Variants in MMD observed in about 807,000 individuals in gnomAD.
MMD encodes monocyte to macrophage differentiation associated, also known as monocyte to macrophage differentiation factor.
Under a neutral mutation model 33.6 loss-of-function variants are expected in MMD, and 22 were observed. The observed-to-expected ratio is 0.66, with a 90% confidence interval of 0.47 to 0.94. The LOEUF (loss-of-function observed/expected upper bound fraction) is 0.94. MMD is among the 40% of genes least tolerant of loss of function. The probability of loss-of-function intolerance (pLI) is 0.00; values close to 1 mark genes in which losing one functional copy is unlikely to be tolerated. For missense variants in MMD, 242 were observed against 309.8 expected, an observed-to-expected ratio of 0.78 and a Z score of 1.64; for synonymous variants, 97 against 103.2, an observed-to-expected ratio of 0.94 and a Z score of 0.36.
At chr17:55,414,341 G>T in intron 1 of MMD, 109 bp from the exon 2 acceptor site, 1 of 993,494 alleles carries the variant, frequency 1.0e-6, no homozygotes, top group East Asian at 2.6e-5. Context: ...AGTGACTGGT[G>T]GAAATACCCA....
intron 4 of MMD, chr17:55,404,675 A>G (rs921884526): frequency 1.7e-5 from 17 of 984,836 alleles, no homozygotes; most frequent in Non-Finnish European, 1.1e-5. Flanking sequence ...AACATGTATT[A>G]TGGAAGACAT....
At chr17:55,404,619 A>G (rs966451073) in intron 4 of MMD, 3 of 985,404 alleles carry the variant, frequency 3.0e-6, no homozygotes, top group East Asian at 2.3e-4. Flanking sequence ...GTGTGTCTCC[A>G]TTATCAGTCT....
chr17:55,398,931 C>A (rs1907224539), intron 6 of MMD, among the ~76,000 whole-genome samples: 1 of 152,186 alleles, frequency 6.6e-6, no homozygotes, highest in African/African-American at 2.4e-5. Flanking sequence ...CTGGAGCTTG[C>A]AGAGTTTTGG....
intron 6 of MMD, among the ~76,000 whole-genome samples, chr17:55,398,170 C>T (rs1907194480): frequency 6.8e-6 from 1 of 146,034 alleles, no homozygotes. Flanking sequence ...AAACAAAAAA[C>T]TGCCCCAATT....
intron 6 of MMD, among the ~76,000 whole-genome samples, chr17:55,398,221 C>A (rs2143119702): frequency 6.6e-6 from 1 of 151,514 alleles, no homozygotes; most frequent in East Asian, 1.9e-4. Flanking sequence ...TCTTTTCTCT[C>A]ATGCTTCAGT....
At chr17:55,400,155 T>C (rs76641702) in intron 6 of MMD, among the ~76,000 whole-genome samples, 4,301 of 152,336 alleles carry the variant, frequency 0.028, 207 homozygotes, top group African/African-American at 0.097. Context: ...TATTTTGTTA[T>C]ATTCTCATGA....
Position 55,419,028 on chromosome 17 carries a change from G to A in MMD, c.26+2642C>T, listed in dbSNP as rs116520800. Among the ~76,000 whole-genome samples, 217 of 152,320 alleles carry A rather than the reference G, an allele frequency of 1.4e-3. 3 individuals are homozygous for A. Among genetic ancestry groups the A allele is most frequent in the African/African-American group, 5.0e-3 (208 of 41,572 alleles). On this transcript the variant is annotated intron_variant, in intron 1 of 6. Coordinates refer to ENST00000262065, the MANE Select transcript of MMD (RefSeq NM_012329.3). ...AGAGTTAAGAGAGAGAAAGAGGTGA[G>A]CTAGCAGCATGACTGGTTGAGAGAC...
At chr17:55,403,938 T>C in intron 4 of MMD, 70 bp from the exon 5 acceptor site, 1 of 1,220,628 alleles carries the variant, frequency 8.2e-7, no homozygotes, top group Non-Finnish European at 1.2e-6. Context: ...CCTGTGTCAT[T>C]GAAAACTGAG....
chr17:55,398,109 T>C (rs901855111), intron 6 of MMD, among the ~76,000 whole-genome samples: 1 of 46,964 alleles, frequency 2.1e-5, no homozygotes, highest in African/African-American at 1.4e-4. Context: ...CTATTATTTC[T>C]TCAAAAAAAA....
chr17:55,395,097 T>C (rs891366479), intron 6 of MMD, among the ~76,000 whole-genome samples: 1 of 152,240 alleles, frequency 6.6e-6, no homozygotes, highest in Non-Finnish European at 1.5e-5. Flanking sequence ...ACAGATCACA[T>C]AGTACAAGAT....
intron 1 of MMD, among the ~76,000 whole-genome samples, chr17:55,415,029 T>C (rs1907914756): frequency 6.6e-6 from 1 of 152,178 alleles, no homozygotes; most frequent in Non-Finnish European, 1.5e-5. Context: ...CCCTTTAGGC[T>C]AACTTTGTGA....
chr17:55,395,565 T>C (rs1907068097), intron 6 of MMD, among the ~76,000 whole-genome samples: 3 of 152,166 alleles, frequency 2.0e-5, no homozygotes, highest in South Asian at 2.1e-4. Flanking sequence ...AAGGCAACAA[T>C]AGACCATCAT....
At chr17:55,397,959 CTTGTCT>C (rs1907174266) in intron 6 of MMD, among the ~76,000 whole-genome samples, 1 of 151,888 alleles carries the variant, frequency 6.6e-6, no homozygotes, top group Non-Finnish European at 1.5e-5. Context: ...ATTTTAAGGT[CTTGTCT>C]TTGCCTTTGT....
Position 55,414,141 on chromosome 17 carries a change from T to C in MMD, c.108+10A>G. On this transcript the variant is annotated intron_variant, in intron 2 of 6. Coordinates refer to ENST00000262065, the MANE Select transcript of MMD (RefSeq NM_012329.3). ...GGAAAGGATGGCAATGGTGGAAAACTTGTACTCACTGCGTGTGTGTAACAG... is the reference window on the plus strand; with the variant it reads ...GGAAAGGATGGCAATGGTGGAAAACCTGTACTCACTGCGTGTGTGTAACAG... 6.2e-7 allele frequency: 1 copy of C among 1,613,534 alleles called. No homozygotes were observed. The highest frequency in any genetic ancestry group is 8.5e-7 in the Non-Finnish European group (1 of 1,179,532).
chr17:55,419,887 T>C (rs1243064565), intron 1 of MMD, among the ~76,000 whole-genome samples: 1 of 152,142 alleles, frequency 6.6e-6, no homozygotes, highest in Non-Finnish European at 1.5e-5. Flanking sequence ...AGAAAATACC[T>C]GTATTTTTAG....
At chr17:55,415,654 T>A (rs1907939962) in intron 1 of MMD, among the ~76,000 whole-genome samples, 2 of 152,118 alleles carry the variant, frequency 1.3e-5, no homozygotes, top group Non-Finnish European at 2.9e-5. Flanking sequence ...TAAATAAAAA[T>A]AAAGTGGCAG....
At chr17:55,399,648 G>A (rs1907251447) in intron 6 of MMD, among the ~76,000 whole-genome samples, 1 of 152,162 alleles carries the variant, frequency 6.6e-6, no homozygotes, top group African/African-American at 2.4e-5. Flanking sequence ...CAAATCAGCT[G>A]AAATATCACT....
intron 6 of MMD, among the ~76,000 whole-genome samples, chr17:55,398,111 CAAAAA>C (rs57881926): frequency 7.9e-4 from 104 of 132,120 alleles, no homozygotes; most frequent in African/African-American, 1.2e-3. Context: ...ATTATTTCTT[CAAAAA>C]AAAAAAAAAA....
At chr17:55,400,274 G>A (rs536534817) in intron 6 of MMD, among the ~76,000 whole-genome samples, 5 of 152,308 alleles carry the variant, frequency 3.3e-5, no homozygotes, top group African/African-American at 9.6e-5. Context: ...ACAGCCAGGC[G>A]TGATGGCTTA....
Sources: allele counts gnomAD v4.1 joint callset (sites outside exome capture counted in the v4.1 genomes callset), GRCh38; gene constraint gnomAD v4.1.1; transcripts MANE v1.5; gene names NCBI Gene and HGNC (gene_info 2026-07-23, HGNC 2026-07-21).